Variants in ADAM9 observed in about 807,000 individuals in gnomAD.
The protein encoded by ADAM9 is ADAM metallopeptidase domain 9, also known as disintegrin and metalloproteinase domain-containing protein 9.
In ADAM9, 54 loss-of-function variants were observed where a neutral mutation model predicts 108.1. The observed-to-expected ratio is 0.50, with a 90% CI of 0.40 to 0.63. The LOEUF (loss-of-function observed/expected upper bound fraction) is 0.63. ADAM9 is among the 20% of genes least tolerant of loss of function. The probability of loss-of-function intolerance (pLI) is 0.00; values close to 1 mark genes in which losing one functional copy is unlikely to be tolerated. For missense variants in ADAM9, 830 were observed against 997.7 expected (o/e 0.83, Z 2.26); for synonymous variants, 316 against 336.0 (o/e 0.94, Z 0.65).
At position 39,003,025 on chromosome 8, in the gene ADAM9, C is replaced by T. The variant is rs560731036; in HGVS notation, c.98-4861C>T. 1.6e-4 allele frequency among the ~76,000 whole-genome samples: 24 copies of T among 152,114 alleles called. No individual in the cohort carries two copies. The East Asian group carries it at 3.9e-3, about 25-fold the overall frequency. The stretch of plus-strand genomic sequence containing the variant: ...CCGAGTAGCTGGGACAACAGGAGAG[C>T]GCCACCAGGCCTGGCTAATTTTGCA... On this transcript the variant is annotated intron_variant, in intron 1 of 21. Coordinates refer to ENST00000487273, the MANE Select transcript of ADAM9 (RefSeq NM_003816.3).
chr8:39,068,477 C>G (rs1338749339), intron 14 of ADAM9, among the ~76,000 whole-genome samples: 2 of 151,650 alleles, frequency 1.3e-5, no homozygotes, highest in African/African-American at 2.4e-5. Flanking sequence ...GAGTTCGAGA[C>G]CAGCCTGGCC....
At chr8:39,004,631 A>G (rs1836104087) in intron 1 of ADAM9, among the ~76,000 whole-genome samples, 1 of 152,236 alleles carries the variant, frequency 6.6e-6, no homozygotes, top group African/African-American at 2.4e-5. Context: ...CGAGCAGAAC[A>G]GTGGCACGGG....
intron 11 of ADAM9, 56 bp from the exon 12 acceptor site, chr8:39,041,890 A>G (rs978091451): frequency 1.3e-6 from 2 of 1,533,494 alleles, no homozygotes; most frequent in Admixed American, 1.7e-5. Flanking sequence ...ATGACTTAAC[A>G]TTTTCAAAGT....
chr8:39,026,370 A>C (rs1392445021), intron 10 of ADAM9, among the ~76,000 whole-genome samples: 1 of 152,190 alleles, frequency 6.6e-6, no homozygotes, highest in Non-Finnish European at 1.5e-5. Context: ...GGGTGAGGAA[A>C]CATGTACTCC....
At chr8:39,067,487 C>T (rs1351168705) in intron 14 of ADAM9, among the ~76,000 whole-genome samples, 1 of 152,070 alleles carries the variant, frequency 6.6e-6, no homozygotes, top group Non-Finnish European at 1.5e-5. Flanking sequence ...AAGTTGGATT[C>T]CTAGGTATTT....
intron 18 of ADAM9, among the ~76,000 whole-genome samples, chr8:39,088,490 C>T (rs1338260063): frequency 6.6e-6 from 1 of 152,088 alleles, no homozygotes; most frequent in Non-Finnish European, 1.5e-5. Flanking sequence ...ATCTCCTGAC[C>T]TTGTGATCCG....
intron 1 of ADAM9, among the ~76,000 whole-genome samples, chr8:38,999,276 T>A (rs1835924125): frequency 6.6e-6 from 1 of 152,112 alleles, no homozygotes; most frequent in Non-Finnish European, 1.5e-5. Flanking sequence ...TTTATAACAT[T>A]GTCTCAATGA....
intron 12 of ADAM9, among the ~76,000 whole-genome samples, chr8:39,045,376 A>G (rs764646479): frequency 2.2e-5 from 1 of 45,242 alleles, no homozygotes; most frequent in Admixed American, 2.5e-4. Context: ...GTGTGTACAT[A>G]CACCTATAGG....
chr8:39,070,991 G>A (rs536884339), intron 14 of ADAM9, among the ~76,000 whole-genome samples: 3 of 152,212 alleles, frequency 2.0e-5, no homozygotes, highest in African/African-American at 7.2e-5. Flanking sequence ...TGCTGCAAAT[G>A]GTACTATACT....
chr8:39,006,081 C>A lies in ADAM9; in HGVS notation c.98-1805C>A, dbSNP rs1836151789. On this transcript the variant is annotated intron_variant, in intron 1 of 21. Coordinates refer to ENST00000487273, the MANE Select transcript of ADAM9 (RefSeq NM_003816.3). Reference sequence around the variant, plus strand: ...TCTTTATTTACAACAGATCAGGAACCTCGTACAGGGACTGTGTAGACAAGG... The same window carrying A: ...TCTTTATTTACAACAGATCAGGAACATCGTACAGGGACTGTGTAGACAAGG... 3.3e-5 allele frequency among the ~76,000 whole-genome samples: 5 copies of A among 152,130 alleles called. No individual in the cohort carries two copies. The South Asian group carries it at 1.0e-3, about 32-fold the overall frequency.
intron 16 of ADAM9, among the ~76,000 whole-genome samples, chr8:39,077,687 A>G (rs1456501149): frequency 6.6e-6 from 1 of 152,078 alleles, no homozygotes; most frequent in Non-Finnish European, 1.5e-5. Flanking sequence ...CCAGTTTGCT[A>G]TTACTGGGAC....
At chr8:39,040,249 A>G (rs1837418110) in intron 11 of ADAM9, among the ~76,000 whole-genome samples, 1 of 152,040 alleles carries the variant, frequency 6.6e-6, no homozygotes, top group Admixed American at 6.6e-5. Flanking sequence ...GGGTTTTACC[A>G]TGTTGGCCAG....
chr8:39,068,291 T>C (rs1838556089), intron 14 of ADAM9, among the ~76,000 whole-genome samples: 2 of 152,088 alleles, frequency 1.3e-5, no homozygotes, highest in African/African-American at 4.8e-5. Context: ...ATTAGGGAAA[T>C]GGAAAATCCA....
intron 9 of ADAM9, 73 bp downstream of exon 9, chr8:39,023,398 G>A: frequency 6.9e-7 from 1 of 1,445,236 alleles, no homozygotes; most frequent in Non-Finnish European, 9.4e-7. Flanking sequence ...TCTTGTATTA[G>A]AATTATATTC....
chr8:39,011,578 C>T (rs935444370), intron 2 of ADAM9, 80 bp from the exon 3 acceptor site: 12 of 1,292,558 alleles, frequency 9.3e-6, no homozygotes, highest in African/African-American at 4.4e-5. Flanking sequence ...GATGGAATTT[C>T]CTGCATCTTA....
chr8:39,061,015 A>G (rs1838281843), intron 14 of ADAM9, among the ~76,000 whole-genome samples: 1 of 152,234 alleles, frequency 6.6e-6, no homozygotes, highest in African/African-American at 2.4e-5. Flanking sequence ...CACTTAGCTA[A>G]GCTTATAATA....
At chr8:39,077,147 C>T (rs984269491) in intron 15 of ADAM9, 81 bp from the exon 16 acceptor site, 20 of 1,448,680 alleles carry the variant, frequency 1.4e-5, no homozygotes, top group East Asian at 1.4e-4. Flanking sequence ...CAAACTCTGT[C>T]CATATGCAAA....
At chr8:39,101,513 C>CTT (rs1292699368) in intron 20 of ADAM9, among the ~76,000 whole-genome samples, 3 of 152,290 alleles carry the variant, frequency 2.0e-5, no homozygotes, top group Non-Finnish European at 4.4e-5. Flanking sequence ...AGAGTAACAC[C>CTT]TTTGCTTTCT....
intron 12 of ADAM9, among the ~76,000 whole-genome samples, chr8:39,043,965 G>A (rs1000037804): frequency 7.2e-5 from 11 of 152,114 alleles, no homozygotes; most frequent in African/African-American, 2.4e-4. Flanking sequence ...TTGCTATTGA[G>A]CTGTAGCTCT....
Sources: gnomAD v4.1 joint callset for allele counts (sites outside exome capture counted in the v4.1 genomes callset) on GRCh38, gnomAD v4.1.1 for gene constraint, MANE v1.5 for transcripts, NCBI Gene and HGNC (gene_info 2026-07-23, HGNC 2026-07-21) for gene names.